RPA2: variants seen among roughly 807,000 people sequenced by gnomAD.
RPA2 encodes the protein replication protein A 32 kDa subunit.
A neutral mutation model predicts 33.4 loss-of-function variants in RPA2; 22 were observed. The ratio of observed to expected loss-of-function variants is 0.66; its 90% CI spans 0.47 to 0.94. The LOEUF (loss-of-function observed/expected upper bound fraction) is 0.94, where lower values mean the gene tolerates loss of function less well. Among genes scored for constraint, RPA2 ranks in the 40% least tolerant of loss-of-function variants. The probability of loss-of-function intolerance (pLI) is 0.00; values close to 1 mark genes in which losing one functional copy is unlikely to be tolerated. For synonymous variants in RPA2, 109 were observed against 114.9 expected (o/e 0.95, Z 0.33); for missense variants, 279 against 329.9 (o/e 0.85, Z 1.19).
At chr1:27,909,091 G>C (rs959694309) in intron 2 of RPA2, among the ~76,000 whole-genome samples, 1 of 152,148 alleles carries the variant, frequency 6.6e-6, no homozygotes, top group South Asian at 2.1e-4. Context: ...AACAGGCTGA[G>C]GGCAAGTATG....
chr1:27,903,461 C>T (rs967403031), intron 4 of RPA2, among the ~76,000 whole-genome samples: 8 of 152,008 alleles, frequency 5.3e-5, no homozygotes, highest in Admixed American at 5.3e-4. Flanking sequence ...GTGGCTCAAG[C>T]CTGTAATCCC....
At chr1:27,901,915 A>C (rs1055156692) in intron 4 of RPA2, among the ~76,000 whole-genome samples, 6 of 152,102 alleles carry the variant, frequency 3.9e-5, no homozygotes, top group Non-Finnish European at 8.8e-5. Flanking sequence ...ATAAGAGGTC[A>C]CTATAATCAT....
At chr1:27,899,689 CT>C (rs1222313978) in intron 4 of RPA2, among the ~76,000 whole-genome samples, 1 of 149,938 alleles carries the variant, frequency 6.7e-6, no homozygotes. Flanking sequence ...CAATTTTTTT[CT>C]TTTTTTTTGA....
intron 5 of RPA2, 26 bp downstream of exon 5, chr1:27,897,607 T>A: frequency 1.3e-6 from 2 of 1,556,538 alleles, no homozygotes; most frequent in South Asian, 2.5e-5. Context: ...AAAAACACTT[T>A]AACTGTTATT....
At chr1:27,908,315 A>G (rs1008779963) in intron 2 of RPA2, among the ~76,000 whole-genome samples, 1 of 151,044 alleles carries the variant, frequency 6.6e-6, no homozygotes, top group Non-Finnish European at 1.5e-5. Context: ...TTTTTTGTAG[A>G]GATGGGGTTT....
At chr1:27,907,850 T>C (rs1449754641) in intron 2 of RPA2, among the ~76,000 whole-genome samples, 2 of 152,172 alleles carry the variant, frequency 1.3e-5, no homozygotes, top group Non-Finnish European at 2.9e-5. Flanking sequence ...GACATCTTTT[T>C]AAATTTTTTT....
intron 4 of RPA2, among the ~76,000 whole-genome samples, chr1:27,902,444 A>G (rs994574370): frequency 4.0e-5 from 6 of 151,590 alleles, no homozygotes; most frequent in African/African-American, 1.5e-4. Flanking sequence ...CCACCATGCC[A>G]GACTAATTTT....
intron 2 of RPA2, among the ~76,000 whole-genome samples, chr1:27,911,875 G>A (rs200402244): frequency 8.6e-5 from 13 of 151,226 alleles, no homozygotes; most frequent in African/African-American, 2.4e-4. Context: ...GGCAGATCAC[G>A]AGGTCAGGAG....
At chr1:27,912,034 C>T (rs2090103208) in intron 2 of RPA2, among the ~76,000 whole-genome samples, 1 of 151,716 alleles carries the variant, frequency 6.6e-6, no homozygotes, top group Non-Finnish European at 1.5e-5. Flanking sequence ...GCAGAGGTTG[C>T]AGTGAGCCCA....
chr1:27,913,935 G>C (rs2090133879), intron 2 of RPA2, 128 bp downstream of exon 2: 2 of 933,438 alleles, frequency 2.1e-6, no homozygotes, highest in Non-Finnish European at 1.5e-6. Context: ...AAGAGATGCA[G>C]ATAATAATAG....
rs373903079 is a variant in RPA2, at chr1:27,896,991, G to A, written c.525+14C>T. 9 of 1,572,550 alleles carry A rather than the reference G, an allele frequency of 5.7e-6. No individual in the cohort carries two copies. The highest frequency in any genetic ancestry group is 7.8e-6 in the Non-Finnish European group (9 of 1,152,242). On this transcript the variant is annotated intron_variant, in intron 6 of 8. Transcript: ENST00000373912. The stretch of plus-strand genomic sequence containing the variant: ...CCAGGGAAGAGAAAAAGCTAGGAAA[G>A]CGAGACTACTCACCTGGCTGTTGGC...
At chr1:27,901,985 CA>C (rs2089973462) in intron 4 of RPA2, among the ~76,000 whole-genome samples, 2 of 148,646 alleles carry the variant, frequency 1.3e-5, no homozygotes, top group Non-Finnish European at 3.0e-5. Context: ...AGAAAATTTA[CA>C]AAAACCCCAC....
intron 6 of RPA2, among the ~76,000 whole-genome samples, chr1:27,895,124 T>C (rs1258909419): frequency 6.6e-6 from 1 of 152,152 alleles, no homozygotes; most frequent in Admixed American, 6.5e-5. Flanking sequence ...TATCCCTCAT[T>C]AGCCTCTTCT....
At chr1:27,907,110 T>C in intron 3 of RPA2, 69 bp from the exon 4 acceptor site, 1 of 1,575,634 alleles carries the variant, frequency 6.3e-7, no homozygotes, top group Non-Finnish European at 8.6e-7. Context: ...TACATTTTTG[T>C]ATTTTTTAAT....
chr1:27,902,110 G>GGAATATT (rs1170032102), intron 4 of RPA2, among the ~76,000 whole-genome samples: 1 of 151,728 alleles, frequency 6.6e-6, no homozygotes, highest in African/African-American at 2.4e-5. Flanking sequence ...TTTCTGAGAT[G>GGAATATT]GAATATTGCT....
chr1:27,895,207 T>A (rs901204727), intron 6 of RPA2, among the ~76,000 whole-genome samples: 1 of 152,112 alleles, frequency 6.6e-6, no homozygotes, highest in Non-Finnish European at 1.5e-5. Flanking sequence ...CAAATCCTCA[T>A]TGCCAGCCGG....
chr1:27,913,037 C>CT (rs2090118477), intron 2 of RPA2, among the ~76,000 whole-genome samples: 1 of 152,094 alleles, frequency 6.6e-6, no homozygotes, highest in South Asian at 2.1e-4. Flanking sequence ...ACTGCAATCT[C>CT]TGTCTCCAGA....
intron 8 of RPA2, 141 bp from the exon 9 acceptor site, chr1:27,892,388 T>C (rs2089835923): frequency 1.2e-5 from 8 of 651,132 alleles, no homozygotes; most frequent in Non-Finnish European, 2.2e-5. Context: ...ATTCTGCACA[T>C]AGAAAGCTCT....
intron 4 of RPA2, among the ~76,000 whole-genome samples, chr1:27,900,771 T>C (rs2089958042): frequency 6.6e-6 from 1 of 152,100 alleles, no homozygotes; most frequent in African/African-American, 2.4e-5. Flanking sequence ...TTCAAGTGAT[T>C]CTCCTGCCTC....
Sources: gnomAD v4.1 joint callset for allele counts (sites outside exome capture counted in the v4.1 genomes callset) on GRCh38, gnomAD v4.1.1 for gene constraint, MANE v1.5 for transcripts, NCBI Gene and HGNC (gene_info 2026-07-23, HGNC 2026-07-21) for gene names.